CHRNA1: variants seen among roughly 807,000 people sequenced by gnomAD.
The protein encoded by CHRNA1 is cholinergic receptor nicotinic alpha 1 subunit, also known as acetylcholine receptor subunit alpha.
In CHRNA1, 35 loss-of-function variants were observed where a neutral mutation model predicts 47.1. The ratio of observed to expected loss-of-function variants is 0.74; its 90% CI spans 0.57 to 0.99. The LOEUF is 0.99. CHRNA1 is among the 50% of genes least tolerant of loss of function. The pLI, the probability that CHRNA1 is intolerant of heterozygous loss-of-function variation, is 0.00. For synonymous variants in CHRNA1, 229 were observed against 223.6 expected (o/e 1.02, Z -0.22); for missense variants, 506 against 591.1 (o/e 0.86, Z 1.49).
chr2:174,748,046 A>G lies in CHRNA1; in HGVS notation c.*78T>C. 6.4e-7 allele frequency: 1 copy of G among 1,571,436 alleles called. No individual in the cohort carries two copies. The highest frequency in any genetic ancestry group is 8.7e-7 in the Non-Finnish European group (1 of 1,146,204). On this transcript the variant is annotated 3_prime_UTR_variant, in exon 9 of 9. Transcript: ENST00000348749. ...ACGTTTGATAAGTGCGAGTGGAGCA[A>G]GTAGACAAATCTTCCTCTCCTGCCC... is the stretch of plus-strand genomic sequence containing the variant.
At position 174,753,706 on chromosome 2, in the gene CHRNA1, T is replaced by C. The variant is rs746009147; in HGVS notation, c.575A>G (p.Glu192Gly). Reference protein sequence around the residue: ...SDQPDLSNFMESGEWVIKESR... With the variant: ...SDQPDLSNFMGSGEWVIKESR... The stretch of plus-strand genomic sequence containing the variant: ...CTCCTTGATCACCCACTCCCCGCTC[T>C]CCATGAAGTTGCTCAGGTCTGGCTG... The change falls in exon 6 of 9, where the codon GAG becomes GGG. Residue 192 changes from glutamate (E) to glycine (G), a missense_variant. Coordinates refer to ENST00000348749, the MANE Select transcript of CHRNA1 (RefSeq NM_000079.4). 7.9e-5 allele frequency: 127 copies of C among 1,613,920 alleles called. No homozygotes were observed. The highest frequency in any genetic ancestry group is 1.0e-4 in the Non-Finnish European group (123 of 1,179,976).
rs1683788450 is a variant in CHRNA1, at chr2:174,748,775, C to T, written c.1047G>A (p.Met349Ile). 1 of 1,614,080 alleles carries T rather than the reference C, an allele frequency of 6.2e-7. No homozygotes were observed. Among genetic ancestry groups the T allele is most frequent in the Non-Finnish European group, 8.5e-7 (1 of 1,180,010 alleles). ...TIPNIMFFST[M>I]KRPSREKQDK... is the part of the protein sequence containing the mutation. ...CTTGCTTTTCTCTGGATGGTCTTTT[C>T]ATTGTGGAGAAAAACATGATATTTG... The change falls in exon 8 of 9, where the codon ATG (methionine) becomes ATA (isoleucine). Residue 349 changes from methionine (M) to isoleucine (I), a missense_variant. By Grantham distance (10) the Met-to-Ile change is conservative. Transcript: ENST00000348749.
chr2:174,754,192 C>T, intron 5 of CHRNA1, 27 bp downstream of exon 5: 1 of 1,610,926 alleles, frequency 6.2e-7, no homozygotes, highest in South Asian at 1.1e-5. Context: ...CCTGAAACCA[C>T]CCTTATCATA....
chr2:174,748,349 T>G (rs1284098648), intron 8 of CHRNA1, 94 bp from the exon 9 acceptor site: 1 of 1,553,552 alleles, frequency 6.4e-7, no homozygotes, highest in African/African-American at 1.4e-5. Flanking sequence ...CCCTTCAATT[T>G]GTAGATCTCA....
At chr2:174,748,531 A>G (rs775653885) in intron 8 of CHRNA1, 49 bp downstream of exon 8, 1 of 1,601,022 alleles carries the variant, frequency 6.2e-7, no homozygotes, top group Non-Finnish European at 8.5e-7. Context: ...GTGCTCATAC[A>G]TTTGACCATT....
At chr2:174,762,191 C>T (rs1422464070) in intron 1 of CHRNA1, among the ~76,000 whole-genome samples, 25 of 152,162 alleles carry the variant, frequency 1.6e-4, no homozygotes, top group Admixed American at 1.6e-3. Flanking sequence ...GATTGGTTCA[C>T]TGGTATTCTT....
At chr2:174,755,563 C>T (rs1364830179) in intron 4 of CHRNA1, among the ~76,000 whole-genome samples, 2 of 151,836 alleles carry the variant, frequency 1.3e-5, no homozygotes, top group African/African-American at 2.4e-5. Context: ...GGACTACAGG[C>T]GCCCACCACC....
At chr2:174,751,450 A>G (rs1396806295) in intron 6 of CHRNA1, among the ~76,000 whole-genome samples, 2 of 152,216 alleles carry the variant, frequency 1.3e-5, no homozygotes, top group Non-Finnish European at 2.9e-5. Context: ...TAGAATATGT[A>G]TGTATGTATA....
intron 6 of CHRNA1, chr2:174,752,753 G>GT (rs142973006): frequency 0.47 from 47,783 of 101,406 alleles, 9,190 homozygotes; most frequent in East Asian, 0.76. Context: ...AAGATTTTGT[G>GT]GTTTTTTTTT....
chr2:174,753,994 G>A (rs1683916918), intron 5 of CHRNA1, among the ~76,000 whole-genome samples: 1 of 152,166 alleles, frequency 6.6e-6, no homozygotes, highest in East Asian at 1.9e-4. Flanking sequence ...ATGCCCTACC[G>A]CCACCCCAGG....
intron 1 of CHRNA1, among the ~76,000 whole-genome samples, chr2:174,761,815 A>G (rs1558915874): frequency 6.6e-6 from 1 of 152,140 alleles, no homozygotes; most frequent in Non-Finnish European, 1.5e-5. Flanking sequence ...TGCATTTTCT[A>G]TCCTGGGCCT....
chr2:174,762,302 A>G (rs543869497), intron 1 of CHRNA1, among the ~76,000 whole-genome samples: 8 of 152,340 alleles, frequency 5.3e-5, no homozygotes, highest in Admixed American at 3.3e-4. Context: ...TGGCCTGGAG[A>G]GTTGGATTAG....
Position 174,754,410 on chromosome 2 carries a change from C to T in CHRNA1, c.349G>A (p.Asp117Asn). 1 of 1,613,986 alleles carries T rather than the reference C, an allele frequency of 6.2e-7. No homozygotes were observed. The highest frequency in any genetic ancestry group is 8.5e-7 in the Non-Finnish European group (1 of 1,179,992). ...RPDLVLYNNA[D>N]GDFAIVKFTK... is the part of the protein sequence containing the mutation. ...AACTTGACAATAGCAAAGTCACCATCTGCACTACAATTGGGATAAAAGAGG... is the reference window on the plus strand; with the variant it reads ...AACTTGACAATAGCAAAGTCACCATTTGCACTACAATTGGGATAAAAGAGG... Residue 117 changes from aspartate to asparagine, a missense_variant, in exon 5 of 9, where the codon GAT becomes AAT. Asp to Asn is a conservative substitution (Grantham distance 23). Transcript: ENST00000348749.
At chr2:174,753,469 C>A in intron 6 of CHRNA1, 34 bp downstream of exon 6, 1 of 1,576,888 alleles carries the variant, frequency 6.3e-7, no homozygotes, top group Non-Finnish European at 8.7e-7. Context: ...GACCCATCAG[C>A]GTCAGCAGCA....
At chr2:174,751,347 C>T (rs13385251) in intron 6 of CHRNA1, among the ~76,000 whole-genome samples, 3,995 of 152,112 alleles carry the variant, frequency 0.026, 171 homozygotes, top group African/African-American at 0.091. Context: ...CTGGGCTGGC[C>T]TTGCTGTTGG....
Position 174,748,831 on chromosome 2 carries a change from A to T in CHRNA1, c.1003-12T>A, listed in dbSNP as rs771405347. 1 of 1,613,646 alleles carries T rather than the reference A, an allele frequency of 6.2e-7. No individual in the cohort carries two copies. The highest frequency in any genetic ancestry group is 1.7e-4 in the Middle Eastern group (1 of 5,994). On this transcript the variant is annotated splice_polypyrimidine_tract_variant and intron_variant, in intron 7 of 8. Coordinates refer to ENST00000348749, the MANE Select transcript of CHRNA1 (RefSeq NM_000079.4). ...GTGTCGATAAAAACCTAACATAAAA[A>T]AGAAATCCATGCATGAGAATTATTG...
Position 174,748,131 on chromosome 2 carries a change from T to G in CHRNA1, c.1367A>C (p.Gln456Pro). The change falls in exon 9 of 9, where the codon CAA becomes CCA. Residue 456 changes from glutamine (Q) to proline (P), a missense_variant. By Grantham distance (76) the Gln-to-Pro change is moderately conservative. Coordinates refer to ENST00000348749, the MANE Select transcript of CHRNA1 (RefSeq NM_000079.4). ...FAGRLIELNQ[Q>P]G Reference sequence around the variant, plus strand: ...GCTCAGCTCATTTTCTGCTCATCCTTGCTGATTTAATTCAATGAGTCGACC... The same window carrying G: ...GCTCAGCTCATTTTCTGCTCATCCTGGCTGATTTAATTCAATGAGTCGACC... 6.2e-7 allele frequency: 1 copy of G among 1,614,042 alleles called. No individual in the cohort carries two copies. Among genetic ancestry groups the G allele is most frequent in the African/African-American group, 1.3e-5 (1 of 75,018 alleles).
chr2:174,749,288 C>A (rs1683799821), intron 7 of CHRNA1, among the ~76,000 whole-genome samples: 1 of 152,190 alleles, frequency 6.6e-6, no homozygotes, highest in Admixed American at 6.5e-5. Flanking sequence ...ATCTATCAGC[C>A]TTTACAGAAA....
rs374391312 is a variant in CHRNA1 at position 174,749,951 on chromosome 2, G to A, written c.997C>T (p.Arg333Trp). The stretch of plus-strand genomic sequence containing the variant: ...GCAGGGGCCTCCCCACTCACCTTCC[G>A]CACCCAGTTGGGCATGACATGGGTG... Reference protein sequence around the residue: ...PSTHVMPNWVRKVFIDTIPNI... With the variant: ...PSTHVMPNWVWKVFIDTIPNI... Residue 333 changes from arginine (R) to tryptophan (W), a missense_variant, in exon 7 of 9, where the codon CGG becomes TGG. By Grantham distance (101) the Arg-to-Trp change is moderately radical (BLOSUM62 -3). Transcript: ENST00000348749. The A allele has an allele frequency of 2.1e-5, 34 of 1,613,698 alleles. No homozygotes were observed. The highest frequency in any genetic ancestry group is 2.7e-5 in the Non-Finnish European group (32 of 1,179,842).
Sources: allele counts gnomAD v4.1 joint callset (sites outside exome capture counted in the v4.1 genomes callset), GRCh38; gene constraint gnomAD v4.1.1; transcripts MANE v1.5; gene names NCBI Gene and HGNC (gene_info 2026-07-23, HGNC 2026-07-21).